PACS2: variants seen among roughly 807,000 people sequenced by gnomAD.
The protein encoded by PACS2 is PACS1-like protein.
In PACS2, 36 loss-of-function variants were observed where a neutral mutation model predicts 113.0. The observed-to-expected ratio is 0.32, with a 90% CI of 0.24 to 0.42. The LOEUF (loss-of-function observed/expected upper bound fraction) is 0.42. PACS2 is among the 10% of genes least tolerant of loss of function. PACS2 has a pLI of 1.00. For synonymous variants in PACS2, 589 were observed against 536.1 expected, an observed-to-expected ratio of 1.10 and a Z score of -1.36; for missense variants, 1,015 against 1,239.5, an observed-to-expected ratio of 0.82 and a Z score of 2.72.
At chr14:105,328,812 A>G (rs1345276890) in intron 1 of PACS2, among the ~76,000 whole-genome samples, 2 of 152,124 alleles carry the variant, frequency 1.3e-5, no homozygotes, top group Non-Finnish European at 2.9e-5. Flanking sequence ...ATTCCAGTGA[A>G]TCTCTTGCCT....
At chr14:105,322,849 G>A (rs1322917771) in intron 1 of PACS2, among the ~76,000 whole-genome samples, 2 of 152,132 alleles carry the variant, frequency 1.3e-5, no homozygotes, top group Non-Finnish European at 2.9e-5. Flanking sequence ...TTGTTCTTAG[G>A]ATTTCCTTTA....
At chr14:105,386,957 C>T (rs1040518893) in intron 19 of PACS2, among the ~76,000 whole-genome samples, 7 of 152,202 alleles carry the variant, frequency 4.6e-5, no homozygotes, top group East Asian at 1.9e-4. Context: ...AGGCCGTGGA[C>T]GCAGCTGCTT....
intron 16 of PACS2, chr14:105,384,140 A>C: frequency 3.7e-6 from 2 of 546,974 alleles, no homozygotes; most frequent in Non-Finnish European, 6.6e-6. Context: ...GGGCTCTGGG[A>C]CCTCAGCTCA....
chr14:105,347,760 C>G (rs958326479), intron 1 of PACS2, among the ~76,000 whole-genome samples: 1 of 152,236 alleles, frequency 6.6e-6, no homozygotes, highest in African/African-American at 2.4e-5. Flanking sequence ...ACCCCACACA[C>G]CTTCAGGCAT....
Position 105,309,394 on chromosome 14 carries a change from G to A in PACS2, c.-83+8415G>A, listed in dbSNP as rs898017265. The stretch of plus-strand genomic sequence containing the variant: ...GTTGCTAAAACTGAGGCAGCGTTCC[G>A]TTTTGCTGGTTATTCCACATCCCAT... On this transcript the variant is annotated intron_variant, in intron 1 of 23. Transcript: ENST00000430725. This position sits in a 1 kb window ranked among gnomAD's most constrained non-coding sequence, Gnocchi z 4.0. Among the ~76,000 whole-genome samples the A allele has an allele frequency of 1.8e-4, 28 of 152,160 alleles. No individual in the cohort carries two copies. Among genetic ancestry groups the A allele is most frequent in the Admixed American group, 2.6e-4 (4 of 15,268 alleles).
At chr14:105,343,928 C>T (rs1294046159) in intron 1 of PACS2, among the ~76,000 whole-genome samples, 3 of 151,344 alleles carry the variant, frequency 2.0e-5, no homozygotes, top group African/African-American at 7.3e-5. Context: ...AAATTTTTGT[C>T]GAATGTGTGA....
rs2081433159 is a variant in PACS2, at chr14:105,393,513, GAGAA to G, written c.2596+183_2596+186del. The G allele has an allele frequency of 8.5e-6, 4 of 470,522 alleles. No homozygotes were observed. In the East Asian group the frequency reaches 1.4e-4, roughly 17 times the overall value. The allele number at this position is 470,522 out of a possible 1,614,324, so 29.1% of individuals were successfully genotyped here. ...TGAGGCTGACAACCTTCCAAATGCT[GAGAA>G]AGAATTTTTTTTCAACCCTTTTTGC... On this transcript the variant is annotated intron_variant, in intron 24 of 24. Transcript: ENST00000447393.
chr14:105,331,406 C>T (rs1308417149), intron 1 of PACS2, among the ~76,000 whole-genome samples: 1 of 152,154 alleles, frequency 6.6e-6, no homozygotes, highest in Non-Finnish European at 1.5e-5. Context: ...AAGGAAGGAT[C>T]AAGACTGATT....
At chr14:105,379,303 CTTG>C (rs1204278397) in intron 9 of PACS2, among the ~76,000 whole-genome samples, 1 of 152,242 alleles carries the variant, frequency 6.6e-6, no homozygotes, top group Non-Finnish European at 1.5e-5. Context: ...CTGATGTGCC[CTTG>C]TTGTTTTGTC....
At chr14:105,349,494 C>T (rs782511524) in intron 2 of PACS2, among the ~76,000 whole-genome samples, 1 of 152,262 alleles carries the variant, frequency 6.6e-6, no homozygotes, top group Non-Finnish European at 1.5e-5. Context: ...GGATTCTTGA[C>T]ACCTGCTGTG....
chr14:105,391,615 T>C lies in PACS2; in HGVS notation c.2120-16T>C, dbSNP rs1555414835. ...CAGCAGGTGGGCTCAGCCTGCCCTGTGACTCCTCCCCAAAGGCGACTCGGA... is the reference window on the plus strand; with the variant it reads ...CAGCAGGTGGGCTCAGCCTGCCCTGCGACTCCTCCCCAAAGGCGACTCGGA... On this transcript the variant is annotated splice_polypyrimidine_tract_variant and intron_variant, in intron 21 of 24. Coordinates refer to ENST00000447393, the MANE Select transcript of PACS2 (RefSeq NM_001100913.3). 2 of 1,595,026 alleles carry C rather than the reference T, an allele frequency of 1.3e-6. No individual in the cohort carries two copies. Among genetic ancestry groups the C allele is most frequent in the Non-Finnish European group, 1.7e-6 (2 of 1,172,144 alleles).
At chr14:105,392,992 T>C (rs2081412170) in intron 23 of PACS2, 147 bp downstream of exon 23, 5 of 709,060 alleles carry the variant, frequency 7.1e-6, no homozygotes, top group Non-Finnish European at 1.2e-5. Context: ...TGAGGGAGCC[T>C]GAATCCTGAG....
chr14:105,380,465 T>TC lies in PACS2; in HGVS notation c.1125+317dup, dbSNP rs1345307396. The stretch of plus-strand genomic sequence containing the variant: ...ACCCTCAGGGTCAGGGCAGCTGGAC[T>TC]CCCCCCACCCTCAGGGTCAGGGCAG... On this transcript the variant is annotated intron_variant, in intron 11 of 24. Coordinates refer to ENST00000447393, the MANE Select transcript of PACS2 (RefSeq NM_001100913.3). Among the ~76,000 whole-genome samples, 14 of 120,018 alleles carry TC rather than the reference T, an allele frequency of 1.2e-4. 1 individual carries two copies. The highest frequency in any genetic ancestry group is 4.2e-4 in the African/African-American group (13 of 30,806). 78.7% of individuals were successfully genotyped at this position (120,018 alleles called of 152,430 possible).
chr14:105,313,220 CA>C (rs2058398498), upstream of PACS2, among the ~76,000 whole-genome samples: 1 of 152,228 alleles, frequency 6.6e-6, no homozygotes, highest in Non-Finnish European at 1.5e-5. Flanking sequence ...GCACGCTCGC[CA>C]GGTCCAGCAG....
intron 1 of PACS2, among the ~76,000 whole-genome samples, chr14:105,327,836 G>T (rs1307962382): frequency 6.6e-6 from 1 of 151,734 alleles, no homozygotes; most frequent in African/African-American, 2.4e-5. Flanking sequence ...TGACAACTGA[G>T]CCTTGGCTCA....
At chr14:105,372,587 T>C (rs1255870319) in intron 8 of PACS2, 3 of 152,162 alleles carry the variant, frequency 2.0e-5, no homozygotes, top group Non-Finnish European at 2.9e-5. Context: ...AAAGTAGAAA[T>C]TTGCTTTCTG....
chr14:105,364,859 C>G lies in PACS2; in HGVS notation c.424-2354C>G, dbSNP rs143666751. 7.7e-4 allele frequency among the ~76,000 whole-genome samples: 117 copies of G among 152,054 alleles called. 3 individuals carry two copies. In the East Asian group the frequency reaches 0.015, roughly 20 times the overall value. ...TACAGGTGCGCACCACCATGCCCAG[C>G]TAATTTTTTATACTTTTTGTAGAGA... On this transcript the variant is annotated intron_variant, in intron 4 of 24. Transcript: ENST00000447393.
chr14:105,348,897 C>T lies in PACS2; in HGVS notation c.207+317C>T, dbSNP rs1324746822. Among the ~76,000 whole-genome samples the T allele has an allele frequency of 6.6e-6, 1 of 152,202 alleles. No individual in the cohort carries two copies. Among genetic ancestry groups the T allele is most frequent in the African/African-American group, 2.4e-5 (1 of 41,450 alleles). ...ACCTGGAGCCAGGGCTTCCCTGCTG[C>T]ACTCAGCACCCACTTCCTGCCCACT... On this transcript the variant is annotated intron_variant, in intron 2 of 24. Coordinates refer to ENST00000447393, the MANE Select transcript of PACS2 (RefSeq NM_001100913.3). The surrounding 1 kb of genome is among the most constrained non-coding windows in gnomAD (Gnocchi z 6.4).
chr14:105,312,873 T>C (rs961683656), upstream of PACS2, among the ~76,000 whole-genome samples: 1 of 152,158 alleles, frequency 6.6e-6, no homozygotes, highest in African/African-American at 2.4e-5. Context: ...GCAGAAGCAT[T>C]GATGTAGACC....
Sources: allele counts gnomAD v4.1 joint callset (sites outside exome capture counted in the v4.1 genomes callset), GRCh38; gene constraint gnomAD v4.1.1; non-coding constraint Gnocchi (gnomAD v3.1); transcripts MANE v1.5; gene names NCBI Gene and HGNC (gene_info 2026-07-23, HGNC 2026-07-21).